FAM171A1: variants seen among roughly 807,000 people sequenced by gnomAD.
FAM171A1 encodes protein FAM171A1.
FAM171A1 carries 23 observed loss-of-function variants against 74.9 expected under a neutral mutation model. The ratio of observed to expected loss-of-function variants is 0.31; its 90% CI spans 0.22 to 0.44. The LOEUF (loss-of-function observed/expected upper bound fraction) is 0.44. Ranked by LOEUF, FAM171A1 falls within the 20% of genes least tolerant of loss-of-function variation. The probability of loss-of-function intolerance (pLI) is 1.00; values close to 1 mark genes in which losing one functional copy is unlikely to be tolerated. For missense variants in FAM171A1, 1,162 were observed against 1,159.2 expected, an observed-to-expected ratio of 1.00 and a Z score of -0.03; for synonymous variants, 527 against 505.7, an observed-to-expected ratio of 1.04 and a Z score of -0.57.
intron 5 of FAM171A1, chr10:15,240,827 G>A: frequency 1.4e-6 from 1 of 737,682 alleles, no homozygotes; most frequent in Non-Finnish European, 1.7e-6. Flanking sequence ...ATCACTTGAG[G>A]GCAGGAGTCT....
chr10:15,310,487 C>T (rs1174844693), intron 1 of FAM171A1, among the ~76,000 whole-genome samples: 1 of 152,196 alleles, frequency 6.6e-6, no homozygotes, highest in African/African-American at 2.4e-5. Context: ...CCCTCTCCCA[C>T]AGCCTAACCT....
At chr10:15,320,892 G>C (rs920828989) in intron 1 of FAM171A1, among the ~76,000 whole-genome samples, 2 of 152,208 alleles carry the variant, frequency 1.3e-5, no homozygotes, top group Admixed American at 1.3e-4. Context: ...AAGTATGAAA[G>C]GTTTTAAGCA....
At chr10:15,263,628 C>T (rs1834691346) in intron 3 of FAM171A1, among the ~76,000 whole-genome samples, 2 of 152,268 alleles carry the variant, frequency 1.3e-5, no homozygotes, top group East Asian at 3.9e-4. Flanking sequence ...TCTGACCCTT[C>T]CCCTCACCAT....
At chr10:15,356,002 T>C (rs1467535059) in intron 1 of FAM171A1, among the ~76,000 whole-genome samples, 5 of 151,960 alleles carry the variant, frequency 3.3e-5, no homozygotes, top group African/African-American at 1.2e-4. Context: ...AGGATATTCA[T>C]TGAGATCATT....
At chr10:15,330,673 C>A (rs1256625120) in intron 1 of FAM171A1, among the ~76,000 whole-genome samples, 3 of 150,734 alleles carry the variant, frequency 2.0e-5, no homozygotes, top group Non-Finnish European at 4.4e-5. Flanking sequence ...AACACCCAGG[C>A]AGTTTTGAAG....
intron 3 of FAM171A1, among the ~76,000 whole-genome samples, chr10:15,262,571 G>C (rs1055172093): frequency 1.3e-5 from 2 of 152,224 alleles, no homozygotes; most frequent in African/African-American, 4.8e-5. Context: ...AGCTCAGCAA[G>C]AGGGATTTCT....
At chr10:15,256,499 G>A (rs1185518520) in intron 3 of FAM171A1, among the ~76,000 whole-genome samples, 2 of 152,104 alleles carry the variant, frequency 1.3e-5, no homozygotes, top group African/African-American at 4.8e-5. Context: ...AGAGCCCAGC[G>A]AGCAGGTGCC....
chr10:15,333,873 T>C (rs1034828972), intron 1 of FAM171A1, among the ~76,000 whole-genome samples: 1 of 151,742 alleles, frequency 6.6e-6, no homozygotes, highest in South Asian at 2.1e-4. Flanking sequence ...AAAAAAACTA[T>C]TTCCATTGGC....
intron 1 of FAM171A1, among the ~76,000 whole-genome samples, chr10:15,310,176 G>T (rs60917389): frequency 2.0e-3 from 306 of 152,290 alleles, no homozygotes; most frequent in African/African-American, 7.0e-3. Flanking sequence ...GCAGACTGGG[G>T]GAAAGTGTTT....
rs1836141203 is a variant in FAM171A1 at position 15,371,103 on chromosome 10, G to A, written c.-51C>T. 1 of 874,552 alleles carries A rather than the reference G, an allele frequency of 1.1e-6. No homozygotes were observed. Among genetic ancestry groups the A allele is most frequent in the Non-Finnish European group, 1.4e-6 (1 of 731,332 alleles). 54.2% of individuals were successfully genotyped at this position (874,552 alleles called of 1,614,324 possible). A position where few individuals can be genotyped will look rare whatever the true frequency, so the allele number is the denominator to read the frequency against. ...CGGGCTCGCCGAGAGCGGGCCGGGC[G>A]GCGGCGCGTCACGGGCGGCCGGGCG... On this transcript the variant is annotated 5_prime_UTR_variant, in exon 1 of 8. Transcript: ENST00000378116.
At chr10:15,219,295 G>GAAC (rs960423070) in intron 6 of FAM171A1, among the ~76,000 whole-genome samples, 4 of 151,762 alleles carry the variant, frequency 2.6e-5, no homozygotes, top group African/African-American at 9.7e-5. Context: ...AAAAACAAAC[G>GAAC]AACAACAACA....
chr10:15,276,593 C>A (rs1027392386), intron 2 of FAM171A1, among the ~76,000 whole-genome samples: 1 of 152,208 alleles, frequency 6.6e-6, no homozygotes, highest in African/African-American at 2.4e-5. Flanking sequence ...TTAAGAATGG[C>A]TTTAAAAATA....
intron 3 of FAM171A1, among the ~76,000 whole-genome samples, chr10:15,271,402 G>A (rs1018240291): frequency 1.4e-4 from 22 of 152,204 alleles, no homozygotes; most frequent in African/African-American, 4.8e-4. Flanking sequence ...CCAAATTTAC[G>A]TCTGATTGGT....
chr10:15,247,768 C>T (rs537324708), intron 5 of FAM171A1, among the ~76,000 whole-genome samples: 14 of 152,256 alleles, frequency 9.2e-5, no homozygotes, highest in Middle Eastern at 6.8e-3. Context: ...CCACCACACC[C>T]AGCCTACTAT....
At chr10:15,262,230 G>A (rs1834667086) in intron 3 of FAM171A1, among the ~76,000 whole-genome samples, 1 of 152,202 alleles carries the variant, frequency 6.6e-6, no homozygotes, top group Admixed American at 6.5e-5. Context: ...CTGACAGCAG[G>A]TGGAGTATGG....
chr10:15,309,527 T>A (rs2131836111), intron 1 of FAM171A1, among the ~76,000 whole-genome samples: 1 of 152,398 alleles, frequency 6.6e-6, no homozygotes, highest in South Asian at 2.1e-4. Context: ...ATTTTTCTAA[T>A]GCACATATTT....
At chr10:15,350,659 T>C (rs1835867085) in intron 1 of FAM171A1, among the ~76,000 whole-genome samples, 1 of 143,108 alleles carries the variant, frequency 7.0e-6, no homozygotes, top group Admixed American at 7.0e-5. Flanking sequence ...CTTTTTTTTT[T>C]TTTGAGACAG....
chr10:15,299,686 T>TA (rs1281505975), intron 1 of FAM171A1, among the ~76,000 whole-genome samples: 6 of 150,498 alleles, frequency 4.0e-5, no homozygotes, highest in South Asian at 2.1e-4. Context: ...ATTTTAGAAT[T>TA]AAAAAAAAAT....
chr10:15,308,679 CA>C (rs869173747), intron 1 of FAM171A1, among the ~76,000 whole-genome samples: 29 of 152,030 alleles, frequency 1.9e-4, no homozygotes, highest in Admixed American at 1.9e-3. Context: ...AAACAAACCC[CA>C]AAAAACAGGT....
Sources: gnomAD v4.1 joint callset for allele counts (sites outside exome capture counted in the v4.1 genomes callset) on GRCh38, gnomAD v4.1.1 for gene constraint, MANE v1.5 for transcripts, NCBI Gene and HGNC (gene_info 2026-07-23, HGNC 2026-07-21) for gene names.